GPC6: variants seen among roughly 807,000 people sequenced by gnomAD.
GPC6 encodes the protein glypican-6.
In GPC6, 14 loss-of-function variants were observed where a neutral mutation model predicts 55.2. That is an observed-to-expected ratio of 0.25 (90% CI 0.17 to 0.40). The LOEUF (loss-of-function observed/expected upper bound fraction) is 0.40. Ranked by LOEUF, GPC6 falls within the 10% of genes least tolerant of loss-of-function variation. The pLI is 1.00. For missense variants in GPC6, 641 were observed against 708.5 expected (o/e 0.90, Z 1.08); for synonymous variants, 278 against 259.6 (o/e 1.07, Z -0.68).
intron 1 of GPC6, among the ~76,000 whole-genome samples, chr13:93,472,258 G>C (rs115082257): frequency 0.011 from 1,626 of 152,270 alleles, 30 homozygotes; most frequent in African/African-American, 0.037. Context: ...TGTGGCTGCT[G>C]GTGCCTTTTC....
intron 4 of GPC6, among the ~76,000 whole-genome samples, chr13:94,143,611 G>A (rs865905340): frequency 1.3e-5 from 2 of 152,246 alleles, no homozygotes; most frequent in Middle Eastern, 6.8e-3. Context: ...GATAGCAGCT[G>A]GGCACAGTGG....
chr13:93,269,651 C>T lies in GPC6; in HGVS notation c.160+42035C>T, dbSNP rs1161379110. On this transcript the variant is annotated intron_variant, in intron 1 of 8. Transcript: ENST00000377047. ...ATAGAAATATTTGTGGTAGGCCGGA[C>T]ACGGTGGCTCACGCCTGTAATCCCA... 4.0e-5 allele frequency among the ~76,000 whole-genome samples: 6 copies of T among 151,626 alleles called. No homozygotes were observed. In the East Asian group the frequency reaches 1.2e-3, roughly 29 times the overall value.
rs1882954945 is a variant in GPC6 at position 94,027,716 on chromosome 13, A to C, written c.712-13A>C. 6.2e-7 allele frequency: 1 copy of C among 1,612,726 alleles called. No individual in the cohort carries two copies. The highest frequency in any genetic ancestry group is 1.3e-5 in the African/African-American group (1 of 74,738). On this transcript the variant is annotated splice_polypyrimidine_tract_variant and intron_variant, in intron 3 of 8. Coordinates refer to ENST00000377047, the MANE Select transcript of GPC6 (RefSeq NM_005708.5). Reference sequence around the variant, plus strand: ...TATTTTTGATTTTCTTTTTCTTTGCAATAAATCTGCAGGTCAGCCCAACCC... The same window carrying C: ...TATTTTTGATTTTCTTTTTCTTTGCCATAAATCTGCAGGTCAGCCCAACCC...
At chr13:93,288,103 C>T (rs1359536182) in intron 1 of GPC6, among the ~76,000 whole-genome samples, 1 of 152,016 alleles carries the variant, frequency 6.6e-6, no homozygotes, top group Non-Finnish European at 1.5e-5. Flanking sequence ...TTCAGAGGTT[C>T]TCATATTCCA....
chr13:93,281,941 G>C (rs1234340509), intron 1 of GPC6, among the ~76,000 whole-genome samples: 2 of 152,172 alleles, frequency 1.3e-5, no homozygotes, highest in African/African-American at 2.4e-5. Context: ...ATTTGCTTTT[G>C]AGTTTATTTC....
intron 3 of GPC6, among the ~76,000 whole-genome samples, chr13:93,920,378 C>G (rs1171248266): frequency 2.0e-5 from 3 of 152,046 alleles, no homozygotes; most frequent in African/African-American, 7.2e-5. Flanking sequence ...ATATAAATGA[C>G]TCTCACCTTA....
Position 94,374,593 on chromosome 13 carries a change from C to A in GPC6, c.1153-7821C>A, listed in dbSNP as rs1440635934. ...TGAGTGACCTACAAAGAGACTTAGA[C>A]TCCCACACATTAATAATGGGAGACT... On this transcript the variant is annotated intron_variant, in intron 6 of 8. Transcript: ENST00000377047. Among the ~76,000 whole-genome samples, 3 of 147,862 alleles carry A rather than the reference C, an allele frequency of 2.0e-5. No individual in the cohort carries two copies. The South Asian group carries it at 6.6e-4, about 33-fold the overall frequency.
intron 2 of GPC6, among the ~76,000 whole-genome samples, chr13:93,617,089 C>T (rs1415711952): frequency 1.3e-5 from 2 of 151,956 alleles, no homozygotes; most frequent in Non-Finnish European, 2.9e-5. Flanking sequence ...TTAGGCCACA[C>T]CAGAAGAGCA....
chr13:93,853,882 A>G (rs1451121453), intron 3 of GPC6, among the ~76,000 whole-genome samples: 3 of 151,690 alleles, frequency 2.0e-5, no homozygotes, highest in African/African-American at 7.3e-5. Context: ...TCACAAAACT[A>G]CTCAAGTCAA....
intron 6 of GPC6, among the ~76,000 whole-genome samples, chr13:94,323,358 C>A (rs1876938783): frequency 6.6e-6 from 1 of 152,136 alleles, no homozygotes; most frequent in Non-Finnish European, 1.5e-5. Flanking sequence ...ATGATAGAAG[C>A]CAATGTGCAT....
chr13:93,295,161 G>A lies in GPC6; in HGVS notation c.160+67545G>A, dbSNP rs116034622. Among the ~76,000 whole-genome samples, 724 of 149,572 alleles carry A rather than the reference G, an allele frequency of 4.8e-3. 9 individuals are homozygous for A. Among genetic ancestry groups the A allele is most frequent in the African/African-American group, 0.017 (689 of 40,742 alleles). On this transcript the variant is annotated intron_variant, in intron 1 of 8. Transcript: ENST00000377047. ...CAAATACTAGCTGGGCATTGTGGCG[G>A]TGTGCCTGTAGTCCCAGTAGTCAGG...
At chr13:93,377,037 T>C (rs1426245685) in intron 1 of GPC6, among the ~76,000 whole-genome samples, 1 of 152,222 alleles carries the variant, frequency 6.6e-6, no homozygotes, top group East Asian at 1.9e-4. Flanking sequence ...TAGTTTAATT[T>C]TCCTTTCTAA....
chr13:93,986,859 C>G (rs890628613), intron 3 of GPC6, among the ~76,000 whole-genome samples: 5 of 151,988 alleles, frequency 3.3e-5, no homozygotes, highest in African/African-American at 1.2e-4. Context: ...ATTCTTTTTG[C>G]AAATTACTTT....
At chr13:94,169,400 G>A (rs1255832273) in intron 4 of GPC6, among the ~76,000 whole-genome samples, 1 of 152,158 alleles carries the variant, frequency 6.6e-6, no homozygotes, top group Non-Finnish European at 1.5e-5. Context: ...TGAAAGTACA[G>A]TAATCAGGGG....
intron 2 of GPC6, among the ~76,000 whole-genome samples, chr13:93,765,808 G>T (rs1404618019): frequency 6.6e-6 from 1 of 152,204 alleles, no homozygotes; most frequent in African/African-American, 2.4e-5. Context: ...TTCACTTCAT[G>T]GAATGGGCCT....
chr13:93,638,531 A>G (rs1879787757), intron 2 of GPC6, among the ~76,000 whole-genome samples: 1 of 152,164 alleles, frequency 6.6e-6, no homozygotes. Context: ...AAAAATGAAT[A>G]GAATCATCTG....
chr13:93,725,538 C>CA (rs1267303854), intron 2 of GPC6, among the ~76,000 whole-genome samples: 1 of 151,612 alleles, frequency 6.6e-6, no homozygotes, highest in Non-Finnish European at 1.5e-5. Context: ...AATTTTACTC[C>CA]AAAAAAATAG....
upstream of GPC6, among the ~76,000 whole-genome samples, chr13:93,226,383 G>C (rs1875783461): frequency 6.6e-6 from 1 of 152,106 alleles, no homozygotes; most frequent in Non-Finnish European, 1.5e-5. Context: ...AGAACTACCA[G>C]TCTGTAATGT....
rs1881260532 is a variant in GPC6 at position 94,403,883 on chromosome 13, G to A, written c.*666G>A. On this transcript the variant is annotated 3_prime_UTR_variant, in exon 9 of 9. Coordinates refer to ENST00000377047, the MANE Select transcript of GPC6 (RefSeq NM_005708.5). ...AAATTTGGAATCCCGTCTTTAATATGAGAACACAAATTACTACAACTCAGT... is the reference window on the plus strand; with the variant it reads ...AAATTTGGAATCCCGTCTTTAATATAAGAACACAAATTACTACAACTCAGT... 1 of 157,488 alleles carries A rather than the reference G, an allele frequency of 6.3e-6. No homozygotes were observed. The highest frequency in any genetic ancestry group is 6.0e-5 in the Admixed American group (1 of 16,570). 9.8% of individuals were successfully genotyped at this position (157,488 alleles called of 1,614,324 possible).
Sources: allele counts gnomAD v4.1 joint callset (sites outside exome capture counted in the v4.1 genomes callset), GRCh38; gene constraint gnomAD v4.1.1; transcripts MANE v1.5; gene names NCBI Gene and HGNC (gene_info 2026-07-23, HGNC 2026-07-21).